The following ARHGAP6 variants were observed in gnomAD, a reference collection of about 807,000 sequenced individuals.
ARHGAP6 encodes Rho GTPase activating protein 6.
A neutral mutation model predicts 55.7 loss-of-function variants in ARHGAP6; 16 were observed. That is an observed-to-expected ratio of 0.29 (90% confidence interval 0.19 to 0.44). The LOEUF is 0.44. ARHGAP6 is among the 20% of genes least tolerant of loss of function. The probability of loss-of-function intolerance (pLI) is 1.00; values close to 1 mark genes in which losing one functional copy is unlikely to be tolerated. For missense variants in ARHGAP6, 698 were observed against 808.9 expected, an observed-to-expected ratio of 0.86 and a Z score of 1.66; for synonymous variants, 382 against 360.9, an observed-to-expected ratio of 1.06 and a Z score of -0.66.
chrX:11,303,150 C>T (rs913696534), intron 1 of ARHGAP6, among the ~76,000 whole-genome samples: 1 of 112,713 alleles, frequency 8.9e-6, no homozygotes. Flanking sequence ...TTTAGTAGTA[C>T]TCCACATTGC....
chrX:11,174,504 CCATTCTTT>C (rs1338571224), intron 8 of ARHGAP6, among the ~76,000 whole-genome samples: 1 of 104,156 alleles, frequency 9.6e-6, no homozygotes, highest in Non-Finnish European at 2.0e-5. Flanking sequence ...AATCCCAAGG[CCATTCTTT>C]CTTTCTTTCC....
At position 11,427,765 on chromosome X, in the gene ARHGAP6, C is replaced by A. The variant is rs926472024; in HGVS notation, c.589-173058G>T. 1.8e-4 allele frequency: 133 copies of A among 758,486 alleles called. 1 individual carries two copies. The highest frequency in any genetic ancestry group is 5.6e-5 in the Non-Finnish European group (36 of 643,303). The allele number at this position is 758,486 out of a possible 1,213,427, so 62.5% of individuals were successfully genotyped here. ...CTGGCACAGCGTCCCGCTGCCGCTGCGGAGCCGGTGGGGACCTGGAGAAGG... is the reference window on the plus strand; with the variant it reads ...CTGGCACAGCGTCCCGCTGCCGCTGAGGAGCCGGTGGGGACCTGGAGAAGG... On this transcript the variant is annotated intron_variant, in intron 1 of 12. Transcript: ENST00000337414.
At chrX:11,144,542 G>A (rs1304816769) in intron 10 of ARHGAP6, among the ~76,000 whole-genome samples, 1 of 112,661 alleles carries the variant, frequency 8.9e-6, no homozygotes, top group Non-Finnish European at 1.9e-5. Context: ...AATGGGCATC[G>A]CTAAGTGCCT....
rs1021414476 is a variant in ARHGAP6, at chrX:11,305,887, T to C, written c.589-51180A>G. On this transcript the variant is annotated intron_variant, in intron 1 of 12. Transcript: ENST00000337414. ...TACAGCCATGGAGAATATAAAGCAG[T>C]GTATTGTAAGGAGAGAAGATGATTA... Among the ~76,000 whole-genome samples, 3 of 111,905 alleles carry C rather than the reference T, an allele frequency of 2.7e-5. No homozygotes were observed. In the East Asian group the frequency reaches 8.4e-4, roughly 31 times the overall value.
intron 1 of ARHGAP6, among the ~76,000 whole-genome samples, chrX:11,498,739 G>A (rs191287468): frequency 2.7e-5 from 3 of 110,674 alleles, no homozygotes; most frequent in Non-Finnish European, 5.7e-5. Flanking sequence ...GTGGGCAAAG[G>A]GAATTTAAAA....
At chrX:11,276,983 CA>C (rs1289072924) in intron 1 of ARHGAP6, among the ~76,000 whole-genome samples, 3 of 111,186 alleles carry the variant, frequency 2.7e-5, no homozygotes, top group Non-Finnish European at 5.7e-5. Flanking sequence ...TCACTGATTC[CA>C]AAACATTTTC....
chrX:11,163,446 C>T (rs1002010760), intron 9 of ARHGAP6, among the ~76,000 whole-genome samples: 1 of 111,823 alleles, frequency 8.9e-6, no homozygotes, highest in Non-Finnish European at 1.9e-5. Context: ...TTTTGAAGAG[C>T]TATTCCCAGG....
intron 1 of ARHGAP6, among the ~76,000 whole-genome samples, chrX:11,372,656 C>T (rs1386597720): frequency 9.4e-6 from 1 of 106,530 alleles, no homozygotes; most frequent in East Asian, 2.9e-4. Flanking sequence ...CCTGTAGTCC[C>T]AGCTACTCGG....
chrX:11,407,567 C>T (rs2049625776), intron 1 of ARHGAP6, among the ~76,000 whole-genome samples: 1 of 112,002 alleles, frequency 8.9e-6, no homozygotes, highest in African/African-American at 3.2e-5. Flanking sequence ...GAGGAACTGA[C>T]AGGCTGTTTT....
chrX:11,654,379 C>A (rs1039531005), intron 1 of ARHGAP6, among the ~76,000 whole-genome samples: 1 of 111,685 alleles, frequency 9.0e-6, no homozygotes, highest in African/African-American at 3.3e-5. Context: ...ATGTTATTTT[C>A]TTGGTCCATC....
In ARHGAP6 at chrX:11,155,571, G is replaced by T. The variant is rs755457296; in HGVS notation, c.1907+958C>A. 2.0e-4 allele frequency among the ~76,000 whole-genome samples: 22 copies of T among 111,808 alleles called. No individual in the cohort carries two copies. The East Asian group carries it at 5.9e-3, about 30-fold the overall frequency. ...CGCCTCGGCATCCCAAAGTGCTGGG[G>T]TTACAGGTACGGGATTACGTTAGGA... is the stretch of plus-strand genomic sequence containing the variant. On this transcript the variant is annotated intron_variant, in intron 10 of 12. Coordinates refer to ENST00000337414, the MANE Select transcript of ARHGAP6 (RefSeq NM_013427.3).
chrX:11,501,620 T>C lies in ARHGAP6; in HGVS notation c.588+162621A>G, dbSNP rs531136037. On this transcript the variant is annotated intron_variant, in intron 1 of 12. Transcript: ENST00000337414. Reference sequence around the variant, plus strand: ...CCCAAAAACTTTACTTTTAATGGCCTGCTATTGACCAGAAGCCTTATCAAC... The same window carrying C: ...CCCAAAAACTTTACTTTTAATGGCCCGCTATTGACCAGAAGCCTTATCAAC... Among the ~76,000 whole-genome samples, 4 of 112,115 alleles carry C rather than the reference T, an allele frequency of 3.6e-5. No individual in the cohort carries two copies. The South Asian group carries it at 1.5e-3, about 42-fold the overall frequency.
At chrX:11,483,046 C>T (rs960596520) in intron 1 of ARHGAP6, among the ~76,000 whole-genome samples, 30 of 111,869 alleles carry the variant, frequency 2.7e-4, no homozygotes, top group African/African-American at 6.5e-5. Flanking sequence ...GTTAATCCTA[C>T]TCTCAGAGAC....
chrX:11,568,923 T>C (rs1315274510), intron 1 of ARHGAP6, among the ~76,000 whole-genome samples: 2 of 111,884 alleles, frequency 1.8e-5, no homozygotes, highest in Non-Finnish European at 3.8e-5. Flanking sequence ...TTATTACAAA[T>C]GGAGGCTATG....
chrX:11,217,484 CAT>C (rs1231206213), intron 2 of ARHGAP6, among the ~76,000 whole-genome samples: 3 of 112,218 alleles, frequency 2.7e-5, no homozygotes, highest in African/African-American at 9.7e-5. Context: ...AGCTTTTTTT[CAT>C]ATGTTTGTTG....
At chrX:11,169,985 T>C (rs1478622867) in intron 8 of ARHGAP6, among the ~76,000 whole-genome samples, 1 of 111,441 alleles carries the variant, frequency 9.0e-6, no homozygotes, top group Admixed American at 9.5e-5. Context: ...TTAAGAAATA[T>C]TGACACCCAT....
chrX:11,278,059 A>G (rs1028128024), intron 1 of ARHGAP6, among the ~76,000 whole-genome samples: 2 of 111,851 alleles, frequency 1.8e-5, no homozygotes, highest in Non-Finnish European at 3.8e-5. Flanking sequence ...AAGCAGATGA[A>G]CAAATGCTGA....
intron 8 of ARHGAP6, among the ~76,000 whole-genome samples, chrX:11,174,641 T>G (rs771556101): frequency 1.7e-3 from 133 of 79,729 alleles, no homozygotes; most frequent in African/African-American, 6.5e-3. Flanking sequence ...CTTTCTTTCT[T>G]TCTTTCTTTC....
intron 1 of ARHGAP6, among the ~76,000 whole-genome samples, chrX:11,407,299 G>T (rs1186187564): frequency 8.9e-6 from 1 of 111,765 alleles, no homozygotes; most frequent in East Asian, 2.8e-4. Context: ...TGTTTTCAAG[G>T]TTCATCCATG....
Sources: gnomAD v4.1 joint callset for allele counts (sites outside exome capture counted in the v4.1 genomes callset) on GRCh38, gnomAD v4.1.1 for gene constraint, MANE v1.5 for transcripts, NCBI Gene and HGNC (gene_info 2026-07-23, HGNC 2026-07-21) for gene names.